Variants in ADAMTS4 observed in about 807,000 individuals in gnomAD.
The protein encoded by ADAMTS4 is A disintegrin and metalloproteinase with thrombospondin motifs 4.
In ADAMTS4, 38 loss-of-function variants were observed where a neutral mutation model predicts 66.7. The observed-to-expected ratio is 0.57, with a 90% confidence interval of 0.44 to 0.75. ADAMTS4 has a LOEUF of 0.75. Ranked by LOEUF, ADAMTS4 falls within the 30% of genes least tolerant of loss-of-function variation. The pLI is 0.00. For missense variants in ADAMTS4, 1,014 were observed against 1,116.7 expected, an observed-to-expected ratio of 0.91 and a Z score of 1.31; for synonymous variants, 418 against 461.5, an observed-to-expected ratio of 0.91 and a Z score of 1.21.
At chr1:161,195,934 GACACACACAC>G (rs57224018) in intron 3 of ADAMTS4, 5 of 439,652 alleles carry the variant, frequency 1.1e-5, no homozygotes, top group East Asian at 3.6e-5. Flanking sequence ...CACACACACA[GACACACACAC>G]ACACACACAC....
In ADAMTS4 at chr1:161,191,326, G is replaced by GC. The variant is rs757571443; in HGVS notation, c.2325dup (p.Pro776AlafsTer126). The GC allele has an allele frequency of 6.2e-7, 1 of 1,613,992 alleles. No homozygotes were observed. The highest frequency in any genetic ancestry group is 8.5e-7 in the Non-Finnish European group (1 of 1,180,026). On this transcript the variant is annotated frameshift_variant, in exon 9 of 9. Transcript: ENST00000367996. LOFTEE classifies it high-confidence loss of function. ...TGCAGTGTCAAAGGCTGGGCCAGTG[G>GC]CCCATGGCCTGACAGTGTCTCTGAG...
intron 2 of ADAMTS4, 69 bp from the exon 3 acceptor site, chr1:161,196,372 A>C (rs888420670): frequency 3.2e-6 from 5 of 1,543,422 alleles, no homozygotes; most frequent in Non-Finnish European, 4.4e-6. Context: ...TGAGATCCAG[A>C]TTCCCGGGGA....
At chr1:161,197,899 C>T (rs895276422) in intron 1 of ADAMTS4, 96 bp downstream of exon 1, 1 of 1,492,562 alleles carries the variant, frequency 6.7e-7, no homozygotes, top group Non-Finnish European at 8.9e-7. Context: ...AGCAGAACGG[C>T]CAGAAGTGTA....
rs150285645 is a variant in ADAMTS4, at chr1:161,194,100, T to C, written c.1383A>G (p.Pro461=). The change falls in exon 5 of 9, where the codon CCA becomes CCG. Residue 461 remains proline, a synonymous_variant. Coordinates refer to ENST00000367996, the MANE Select transcript of ADAMTS4 (RefSeq NM_005099.6). The surrounding 1 kb of genome is among the most constrained non-coding windows in gnomAD (Gnocchi z 4.1). Reference sequence around the variant, plus strand: ...GGGCAGCACAGGGCGGCGGCAGCTGTGGACAATGGCGTGAGTCGGGCCCGA... The same window carrying C: ...GGGCAGCACAGGGCGGCGGCAGCTGCGGACAATGGCGTGAGTCGGGCCCGA... The part of the protein sequence containing the change: ...LTFGPDSRHC[P]QLPPPCAALW... 1.5e-5 allele frequency: 24 copies of C among 1,614,076 alleles called. No individual in the cohort carries two copies. In the African/African-American group the frequency reaches 2.9e-4, roughly 20 times the overall value.
chr1:161,192,445 C>T (rs1291007226), intron 7 of ADAMTS4, among the ~76,000 whole-genome samples: 1 of 152,094 alleles, frequency 6.6e-6, no homozygotes, highest in East Asian at 1.9e-4. Context: ...ATCTAGCCAG[C>T]ATTTTCAGAG....
At position 161,193,549 on chromosome 1, in the gene ADAMTS4, G is replaced by A. The variant is rs1220484040; in HGVS notation, c.1735+91C>T. On this transcript the variant is annotated intron_variant, in intron 6 of 8. Coordinates refer to ENST00000367996, the MANE Select transcript of ADAMTS4 (RefSeq NM_005099.6). The surrounding 1 kb of genome is among the most constrained non-coding windows in gnomAD (Gnocchi z 4.4). The stretch of plus-strand genomic sequence containing the variant: ...AAAGGCACTCCCCACAGCAGCAGGG[G>A]AATCAACACCCCCTTGGTCTTGCAC... The A allele has an allele frequency of 6.6e-7, 1 of 1,524,708 alleles. No individual in the cohort carries two copies. The highest frequency in any genetic ancestry group is 8.9e-7 in the Non-Finnish European group (1 of 1,129,450). The allele number at this position is 1,524,708 out of a possible 1,614,324, so 94.4% of individuals were successfully genotyped here.
At position 161,191,163 on chromosome 1, in the gene ADAMTS4, C is replaced by T. The variant is rs377576787; in HGVS notation, c.2489G>A (p.Arg830Gln). 13 of 1,565,072 alleles carry T rather than the reference C, an allele frequency of 8.3e-6. No homozygotes were observed. Among genetic ancestry groups the T allele is most frequent in the African/African-American group, 2.7e-5 (2 of 73,780 alleles). Reference protein sequence around the residue: ...RRAQILEILRRRPWAGRK With the variant: ...RRAQILEILRQRPWAGRK ...TTATTTCCTGCCCGCCCAGGGGCGC[C>T]GCCGAAGGATCTCCAGAATCTGTGC... is the stretch of plus-strand genomic sequence containing the variant. The change falls in exon 9 of 9, where the codon CGG (arginine) becomes CAG (glutamine). Residue 830 changes from arginine (R) to glutamine (Q), a missense_variant. Arg to Gln is a conservative substitution (Grantham distance 43). Transcript: ENST00000367996.
Position 161,191,011 on chromosome 1 carries a change from G to A in ADAMTS4, c.*127C>T. 9.0e-7 allele frequency: 1 copy of A among 1,114,406 alleles called. No individual in the cohort carries two copies. Among genetic ancestry groups the A allele is most frequent in the East Asian group, 2.5e-5 (1 of 40,102 alleles). 69.0% of individuals were successfully genotyped at this position (1,114,406 alleles called of 1,614,324 possible). A position where few individuals can be genotyped will look rare whatever the true frequency, so the allele number is the denominator to read the frequency against. ...AGCCTGCGCATTAGGGCAGAGAGGA[G>A]GGGCAGGTCTCACGCCCACAGCCCC... On this transcript the variant is annotated 3_prime_UTR_variant, in exon 9 of 9. Coordinates refer to ENST00000367996, the MANE Select transcript of ADAMTS4 (RefSeq NM_005099.6).
Position 161,185,934 on chromosome 1 carries a change from T to G in ADAMTS4, c.*5204A>C, listed in dbSNP as rs1185440136. On this transcript the variant is annotated 3_prime_UTR_variant, in exon 9 of 9. Coordinates refer to ENST00000367996, the MANE Select transcript of ADAMTS4 (RefSeq NM_005099.6). ...GGCCCAACTTATTGCTTCAACTTCC[T>G]CCCCCACCTCAAACACATACTCATG... 6.6e-6 allele frequency: 1 copy of G among 152,144 alleles called. No individual in the cohort carries two copies. Among genetic ancestry groups the G allele is most frequent in the East Asian group, 1.9e-4 (1 of 5,192 alleles). The allele number at this position is 152,144 out of a possible 1,614,324, so 9.4% of individuals were successfully genotyped here.
chr1:161,190,633 A>T lies in ADAMTS4; in HGVS notation c.*505T>A, dbSNP rs1664644337. On this transcript the variant is annotated 3_prime_UTR_variant, in exon 9 of 9. Transcript: ENST00000367996. ...ATAAAATTCAGGAAGAGGAAAGCAG[A>T]ACAGGTTGTACCTCATACATAAGCA... is the stretch of plus-strand genomic sequence containing the variant. The T allele has an allele frequency of 6.5e-6, 1 of 152,796 alleles. No homozygotes were observed. The highest frequency in any genetic ancestry group is 2.4e-5 in the African/African-American group (1 of 41,354). The allele number at this position is 152,796 out of a possible 1,614,324, so 9.5% of individuals were successfully genotyped here.
Position 161,198,924 on chromosome 1 carries a change from T to C in ADAMTS4, c.-297A>G, listed in dbSNP as rs886513849. The C allele has an allele frequency of 9.3e-5, 34 of 364,432 alleles. No individual in the cohort carries two copies. The highest frequency in any genetic ancestry group is 4.5e-5 in the Non-Finnish European group (9 of 202,190). The allele number at this position is 364,432 out of a possible 1,614,324, so 22.6% of individuals were successfully genotyped here. On this transcript the variant is annotated 5_prime_UTR_variant, in exon 1 of 9. Coordinates refer to ENST00000367996, the MANE Select transcript of ADAMTS4 (RefSeq NM_005099.6). This position sits in a 1 kb window ranked among gnomAD's most constrained non-coding sequence, Gnocchi z 4.7. ...GCAGCTTCTCTGGCCTCTCCCTCTG[T>C]AGGACTCTGTCTGGGCCGCTTCTGT...
chr1:161,193,625 C>A lies in ADAMTS4; in HGVS notation c.1735+15G>T. 1 of 1,596,600 alleles carries A rather than the reference C, an allele frequency of 6.3e-7. No individual in the cohort carries two copies. The highest frequency in any genetic ancestry group is 1.1e-5 in the South Asian group (1 of 88,450). ...CTGTCCCCTCCCAAGGGCTCCCATC[C>A]CCCCTACTCCTCACCTGAGCCAGTT... On this transcript the variant is annotated intron_variant, in intron 6 of 8. Coordinates refer to ENST00000367996, the MANE Select transcript of ADAMTS4 (RefSeq NM_005099.6). The surrounding 1 kb of genome is among the most constrained non-coding windows in gnomAD (Gnocchi z 4.4).
Position 161,186,207 on chromosome 1 carries a change from C to T in ADAMTS4, c.*4931G>A, listed in dbSNP as rs1389490419. On this transcript the variant is annotated 3_prime_UTR_variant, in exon 9 of 9. Transcript: ENST00000367996. ...ATAAGTAGGCAGATGGGAAACAGAG[C>T]TCACTGTGGCTCTTACAGGGAGATA... 2.0e-5 allele frequency: 3 copies of T among 152,238 alleles called. No individual in the cohort carries two copies. The highest frequency in any genetic ancestry group is 4.4e-5 in the Non-Finnish European group (3 of 68,054). 9.4% of individuals were successfully genotyped at this position (152,238 alleles called of 1,614,324 possible).
At chr1:161,192,667 G>A (rs1007950444) in intron 7 of ADAMTS4, among the ~76,000 whole-genome samples, 1 of 152,148 alleles carries the variant, frequency 6.6e-6, no homozygotes, top group Non-Finnish European at 1.5e-5. Context: ...TGATGGCACT[G>A]TCCCTAAATG....
chr1:161,198,448 C>T lies in ADAMTS4; in HGVS notation c.180G>A (p.Glu60=), dbSNP rs945190981. ...RLASPLPREE[E]IVFPEKLNGS... Reference sequence around the variant, plus strand: ...CGTTGAGCTTCTCTGGAAACACGATCTCCTCCTCCCGGGGGAGGGGGCTGG... The same window carrying T: ...CGTTGAGCTTCTCTGGAAACACGATTTCCTCCTCCCGGGGGAGGGGGCTGG... Residue 60 remains glutamate (E), a synonymous_variant, in exon 1 of 9, where the codon GAG becomes GAA. Coordinates refer to ENST00000367996, the MANE Select transcript of ADAMTS4 (RefSeq NM_005099.6). The surrounding 1 kb of genome is among the most constrained non-coding windows in gnomAD (Gnocchi z 4.7). 4 of 1,577,984 alleles carry T rather than the reference C, an allele frequency of 2.5e-6. No individual in the cohort carries two copies. In the South Asian group the frequency reaches 4.6e-5, roughly 18 times the overall value.
rs142805458 is a variant in ADAMTS4 at position 161,195,473 on chromosome 1, T to C, written c.1253A>G (p.Asn418Ser). Reference protein sequence around the residue: ...SARFITDFLDNGYGHCLLDKP... With the variant: ...SARFITDFLDSGYGHCLLDKP... Reference sequence around the variant, plus strand: ...AAGTGCCATCTGCTTACCATAGCCATTGTCCAGGAAGTCAGTGATGAAGCG... The same window carrying C: ...AAGTGCCATCTGCTTACCATAGCCACTGTCCAGGAAGTCAGTGATGAAGCG... The change falls in exon 4 of 9, where the codon AAT becomes AGT. Residue 418 changes from asparagine to serine, a missense_variant. By Grantham distance (46) the Asn-to-Ser change is conservative. Coordinates refer to ENST00000367996, the MANE Select transcript of ADAMTS4 (RefSeq NM_005099.6). 2.8e-4 allele frequency: 452 copies of C among 1,607,556 alleles called. 1 individual carries two copies. Among genetic ancestry groups the C allele is most frequent in the Middle Eastern group, 1.7e-3 (10 of 5,910 alleles).
In ADAMTS4 at chr1:161,190,990, TGC is replaced by T; in HGVS notation, c.*146_*147del. 3 of 925,036 alleles carry T rather than the reference TGC, an allele frequency of 3.2e-6. No homozygotes were observed. Among genetic ancestry groups the T allele is most frequent in the South Asian group, 2.0e-5 (1 of 49,644 alleles). 57.3% of individuals were successfully genotyped at this position (925,036 alleles called of 1,614,324 possible). Reference sequence around the variant, plus strand: ...GCAGGAAACCAGGGCAGGGCCAGCCTGCGCATTAGGGCAGAGAGGAGGGGCAG... The same window carrying T: ...GCAGGAAACCAGGGCAGGGCCAGCCTGCATTAGGGCAGAGAGGAGGGGCAG... On this transcript the variant is annotated 3_prime_UTR_variant, in exon 9 of 9. Transcript: ENST00000367996.
Position 161,192,193 on chromosome 1 carries a change from G to A in ADAMTS4, c.1959C>T (p.Val653=). 6.2e-7 allele frequency: 1 copy of A among 1,614,106 alleles called. No individual in the cohort carries two copies. Among genetic ancestry groups the A allele is most frequent in the Non-Finnish European group, 8.5e-7 (1 of 1,180,018 alleles). Reference sequence around the variant, plus strand: ...AGCCAGCATGGATGCATCGGCCCTGGACACAGACCGAGGAGCTGTCCGGGG... The same window carrying A: ...AGCCAGCATGGATGCATCGGCCCTGAACACAGACCGAGGAGCTGTCCGGGG... ...PCSPDSSSVC[V]QGRCIHAGCD... is the part of the protein sequence containing the mutation. Residue 653 remains valine, a synonymous_variant, in exon 8 of 9, where the codon GTC becomes GTT. Transcript: ENST00000367996.
rs1206776400 is a variant in ADAMTS4, at chr1:161,193,741, C to T, written c.1634G>A (p.Arg545Gln). The T allele has an allele frequency of 3.7e-6, 6 of 1,613,958 alleles. No homozygotes were observed. In the African/African-American group the frequency reaches 5.3e-5, roughly 14 times the overall value. Residue 545 changes from arginine (R) to glutamine (Q), a missense_variant, in exon 6 of 9, where the codon CGA (arginine) becomes CAA (glutamine). By Grantham distance (43) the Arg-to-Gln change is conservative (BLOSUM62 1). Transcript: ENST00000367996. The surrounding 1 kb of genome is among the most constrained non-coding windows in gnomAD (Gnocchi z 4.4). ...CCGGGGGACAGGCCTCGTGCAGTCT[C>T]GGGAGGAGAACTGGACACCACCCCC... Reference protein sequence around the residue: ...TCGGGVQFSSRDCTRPVPRNG... With the variant: ...TCGGGVQFSSQDCTRPVPRNG...
Sources: allele counts gnomAD v4.1 joint callset (sites outside exome capture counted in the v4.1 genomes callset), GRCh38; gene constraint gnomAD v4.1.1; non-coding constraint Gnocchi (gnomAD v3.1); transcripts MANE v1.5; gene names NCBI Gene and HGNC (gene_info 2026-07-23, HGNC 2026-07-21).